PARVB: variants seen among roughly 807,000 people sequenced by gnomAD.
PARVB encodes the protein parvin beta.
Under a neutral mutation model 47.0 loss-of-function variants are expected in PARVB, and 46 were observed. The ratio of observed to expected loss-of-function variants is 0.98; its 90% CI spans 0.77 to 1.25. PARVB has a LOEUF of 1.25. PARVB is among the 50% of genes most tolerant of loss of function. The pLI, the probability that PARVB is intolerant of heterozygous loss-of-function variation, is 0.00. For synonymous variants in PARVB, 196 were observed against 196.3 expected (o/e 1.00, Z 0.01); for missense variants, 473 against 471.6 (o/e 1.00, Z -0.03).
chr22:44,009,618 A>T (rs755124463), intron 2 of PARVB: 3 of 150,832 alleles, frequency 2.0e-5, no homozygotes, highest in African/African-American at 7.3e-5. Flanking sequence ...TATATGTGAT[A>T]TATGTAATAT....
At chr22:44,047,975 G>A (rs1479576844) in intron 1 of PARVB, among the ~76,000 whole-genome samples, 1 of 152,164 alleles carries the variant, frequency 6.6e-6, no homozygotes. Context: ...GGATGGTGTG[G>A]GAACCCCCAG....
intron 1 of PARVB, among the ~76,000 whole-genome samples, chr22:44,065,115 A>G (rs531696318): frequency 6.6e-6 from 1 of 152,166 alleles, no homozygotes; most frequent in East Asian, 1.9e-4. Flanking sequence ...GACCCTGGAA[A>G]CTTGGCTTTC....
intron 2 of PARVB, among the ~76,000 whole-genome samples, chr22:44,096,852 A>C (rs2147055593): frequency 6.6e-6 from 1 of 152,200 alleles, no homozygotes; most frequent in East Asian, 1.9e-4. Flanking sequence ...TGGCACAGAG[A>C]TACCACCCTG....
chr22:44,132,567 A>T (rs2053352001), intron 5 of PARVB, among the ~76,000 whole-genome samples: 1 of 152,100 alleles, frequency 6.6e-6, no homozygotes, highest in Non-Finnish European at 1.5e-5. Flanking sequence ...AGTGGCCGTG[A>T]CCTGCTTTCC....
intron 1 of PARVB, among the ~76,000 whole-genome samples, chr22:44,087,291 C>T (rs915480079): frequency 6.6e-6 from 1 of 152,126 alleles, no homozygotes; most frequent in Admixed American, 6.5e-5. Flanking sequence ...AGAAAGTCCC[C>T]GTAGGTGGCA....
intron 4 of PARVB, among the ~76,000 whole-genome samples, chr22:44,122,550 GAGACACAGAGAC>G (rs1569134512): frequency 0.052 from 4,631 of 89,848 alleles, 371 homozygotes; most frequent in African/African-American, 0.14. Flanking sequence ...GAGAGAGAGA[GAGACACAGAGAC>G]AGAGAGAGAG....
intron 9 of PARVB, chr22:44,151,251 C>A: frequency 2.0e-6 from 1 of 490,862 alleles, no homozygotes; most frequent in Non-Finnish European, 3.7e-6. Flanking sequence ...CATATGTGTG[C>A]ATGGGTTGGT....
intron 2 of PARVB, among the ~76,000 whole-genome samples, chr22:44,011,263 C>T (rs545095223): frequency 7.2e-5 from 11 of 152,238 alleles, no homozygotes; most frequent in East Asian, 1.9e-4. Context: ...GGGAGCTGCA[C>T]GCACCTGGCC....
intron 8 of PARVB, chr22:44,140,373 G>T: frequency 1.4e-6 from 1 of 713,572 alleles, no homozygotes; most frequent in South Asian, 1.5e-5. Flanking sequence ...GAGTGGGGTG[G>T]AAGGCTGGGT....
At chr22:44,060,198 CCCAG>C (rs1157028918) in intron 1 of PARVB, among the ~76,000 whole-genome samples, 2 of 152,020 alleles carry the variant, frequency 1.3e-5, no homozygotes, top group Non-Finnish European at 2.9e-5. Flanking sequence ...CACCTGTAAT[CCCAG>C]CTACTTGGGA....
intron 2 of PARVB, among the ~76,000 whole-genome samples, chr22:44,018,164 G>A (rs1488836590): frequency 2.0e-5 from 3 of 152,156 alleles, no homozygotes; most frequent in Non-Finnish European, 4.4e-5. Flanking sequence ...CATTTTGGGA[G>A]GCTGAGGCGG....
chr22:44,022,139 G>C (rs192742745), upstream of PARVB, among the ~76,000 whole-genome samples: 1 of 151,948 alleles, frequency 6.6e-6, no homozygotes, highest in African/African-American at 2.4e-5. Context: ...TTCCTCCACC[G>C]TGCCTGCCTC....
chr22:44,148,073 A>C, intron 9 of PARVB, 151 bp downstream of exon 9: 1 of 683,440 alleles, frequency 1.5e-6, no homozygotes. Context: ...TCAAAAACCT[A>C]ACCACAGTGC....
intron 1 of PARVB, chr22:44,069,141 G>A (rs761649214): frequency 6.8e-6 from 11 of 1,612,534 alleles, no homozygotes; most frequent in East Asian, 6.7e-5. Context: ...CAGAGCTGCC[G>A]CCAGCTGCAC....
chr22:44,061,071 C>T (rs1458973585), intron 1 of PARVB, among the ~76,000 whole-genome samples: 2 of 152,176 alleles, frequency 1.3e-5, no homozygotes, highest in African/African-American at 2.4e-5. Context: ...GCAAGGCATA[C>T]CTCAGCCTTC....
At chr22:44,018,135 C>T (rs538547120) in intron 2 of PARVB, among the ~76,000 whole-genome samples, 3 of 152,172 alleles carry the variant, frequency 2.0e-5, no homozygotes, top group Non-Finnish European at 4.4e-5. Flanking sequence ...GGCACAGTGG[C>T]TCACACCTAT....
In PARVB at chr22:44,069,109, G is replaced by A. The variant is rs1391805473; in HGVS notation, c.113-24819G>A. On this transcript the variant is annotated intron_variant, in intron 1 of 12. Coordinates refer to ENST00000338758, the MANE Select transcript of PARVB (RefSeq NM_013327.5). ...GGTGTGTGCCCGCCTGCCCTCCGAC[G>A]TCCGCCGGCTGTGCTGGTCTGCAGA... The A allele has an allele frequency of 3.7e-5, 60 of 1,611,586 alleles. No individual in the cohort carries two copies. In the East Asian group the frequency reaches 8.2e-4, roughly 22 times the overall value.
intron 1 of PARVB, among the ~76,000 whole-genome samples, chr22:44,055,801 G>T (rs559795520): frequency 6.6e-6 from 1 of 152,158 alleles, no homozygotes. Context: ...GCCCAAGTGC[G>T]GGAGGAGACC....
At chr22:44,119,219 T>A in intron 4 of PARVB, 79 bp downstream of exon 4, 1 of 973,250 alleles carries the variant, frequency 1.0e-6, no homozygotes. Context: ...ATTCTCTGCA[T>A]AGTGACATCG....
Sources: allele counts gnomAD v4.1 joint callset (sites outside exome capture counted in the v4.1 genomes callset), GRCh38; gene constraint gnomAD v4.1.1; transcripts MANE v1.5; gene names NCBI Gene and HGNC (gene_info 2026-07-23, HGNC 2026-07-21).